TULP2: variants seen among roughly 807,000 people sequenced by gnomAD.
The protein encoded by TULP2 is TUB like protein 2.
Under a neutral mutation model 60.3 loss-of-function variants are expected in TULP2, and 64 were observed. The observed-to-expected ratio is 1.06, with a 90% CI of 0.87 to 1.31. The LOEUF (loss-of-function observed/expected upper bound fraction) is 1.31, where lower values mean the gene tolerates loss of function less well. Ranked by LOEUF, TULP2 falls within the 50% of genes most tolerant of loss-of-function variation. The probability of loss-of-function intolerance (pLI) is 0.00; values close to 1 mark genes in which losing one functional copy is unlikely to be tolerated. For missense variants in TULP2, 652 were observed against 667.0 expected (o/e 0.98, Z 0.25); for synonymous variants, 267 against 265.4 (o/e 1.01, Z -0.06).
chr19:48,893,622 C>G (rs920579470), intron 6 of TULP2, among the ~76,000 whole-genome samples: 1 of 152,034 alleles, frequency 6.6e-6, no homozygotes, highest in Non-Finnish European at 1.5e-5. Context: ...AGCCTGATCT[C>G]AGTTTACTGC....
At chr19:48,896,638 C>CG (rs1400338477) in intron 3 of TULP2, 82 bp from the exon 4 acceptor site, 2 of 1,455,022 alleles carry the variant, frequency 1.4e-6, no homozygotes, top group Non-Finnish European at 1.8e-6. Flanking sequence ...GGCAAGGGCT[C>CG]GCATCGGCGC....
intron 11 of TULP2, among the ~76,000 whole-genome samples, chr19:48,883,369 T>C (rs1450140427): frequency 6.6e-6 from 1 of 152,142 alleles, no homozygotes; most frequent in East Asian, 1.9e-4. Context: ...GCCAACCAGC[T>C]GGCCTCAAGG....
intron 4 of TULP2, 132 bp downstream of exon 4, chr19:48,896,298 G>T: frequency 7.6e-7 from 1 of 1,318,008 alleles, no homozygotes; most frequent in Non-Finnish European, 1.0e-6. Flanking sequence ...AAGCTCTCCT[G>T]GGCCAAGGCC....
chr19:48,895,088 C>T lies in TULP2; in HGVS notation c.424G>A (p.Val142Ile), dbSNP rs1309198073. The T allele has an allele frequency of 6.2e-7, 1 of 1,614,148 alleles. No individual in the cohort carries two copies. The highest frequency in any genetic ancestry group is 8.5e-7 in the Non-Finnish European group (1 of 1,180,024). ...PDNSDAELEE[V>I]SVENGSVSPP... ...GAGACGGAACCATTCTCCACGGAGA[C>T]TTCCTCCAATTCTGCATCGGAATTG... is the stretch of plus-strand genomic sequence containing the variant. The change falls in exon 6 of 13, where the codon GTC (valine) becomes ATC (isoleucine). Residue 142 changes from valine to isoleucine, a missense_variant. Coordinates refer to ENST00000221399, the MANE Select transcript of TULP2 (RefSeq NM_003323.3).
At chr19:48,886,513 A>G (rs1395954370) in intron 8 of TULP2, among the ~76,000 whole-genome samples, 1 of 152,048 alleles carries the variant, frequency 6.6e-6, no homozygotes, top group African/African-American at 2.4e-5. Context: ...TAGGCGTTTC[A>G]CCAAGAAAAA....
At chr19:48,888,415 C>T (rs1193174837) in intron 7 of TULP2, among the ~76,000 whole-genome samples, 154 bp from the exon 8 acceptor site, 1 of 152,198 alleles carries the variant, frequency 6.6e-6, no homozygotes, top group Non-Finnish European at 1.5e-5. Flanking sequence ...CAGTCACGCC[C>T]TCCTCTGTTG....
chr19:48,888,660 C>T (rs2037205405), intron 7 of TULP2, among the ~76,000 whole-genome samples: 1 of 152,170 alleles, frequency 6.6e-6, no homozygotes, highest in Non-Finnish European at 1.5e-5. Flanking sequence ...TTCGCTCTGT[C>T]GCCCAGGCTG....
chr19:48,896,132 A>G (rs1449507850), intron 4 of TULP2, among the ~76,000 whole-genome samples: 2 of 151,774 alleles, frequency 1.3e-5, no homozygotes, highest in African/African-American at 2.4e-5. Flanking sequence ...AGCTCTGCCA[A>G]GCCCAATCAT....
intron 8 of TULP2, 43 bp downstream of exon 8, chr19:48,887,907 G>C (rs548050840): frequency 2.5e-6 from 4 of 1,579,016 alleles, no homozygotes; most frequent in Non-Finnish European, 3.5e-6. Flanking sequence ...TTGCCTGGGA[G>C]GTGGGGGCTT....
intron 9 of TULP2, 48 bp from the exon 10 acceptor site, chr19:48,884,094 T>A: frequency 4.1e-6 from 6 of 1,459,104 alleles, no homozygotes; most frequent in Non-Finnish European, 3.8e-6. Flanking sequence ...AGTGTTACTC[T>A]TTGAGTAAGT....
chr19:48,889,622 G>A lies in TULP2; in HGVS notation c.524C>T (p.Ala175Val). Residue 175 changes from alanine to valine, a missense_variant, in exon 7 of 13, where the codon GCA (alanine) becomes GTA (valine). Physicochemically the swap from Ala to Val is moderately conservative, Grantham distance 64. Coordinates refer to ENST00000221399, the MANE Select transcript of TULP2 (RefSeq NM_003323.3). Reference protein sequence around the residue: ...WQAHQRPGTRAEGESDSQDMG... With the variant: ...WQAHQRPGTRVEGESDSQDMG... ...ATCCTGGGAGTCACTCTCACCCTCT[G>A]CACGGGTCCCTAATGTGGGGAAAAG... The A allele has an allele frequency of 6.3e-7, 1 of 1,579,246 alleles. No homozygotes were observed. The highest frequency in any genetic ancestry group is 8.7e-7 in the Non-Finnish European group (1 of 1,153,580).
Position 48,897,439 on chromosome 19 carries a change from T to G in TULP2, c.33-43A>C. 6.2e-7 allele frequency: 1 copy of G among 1,606,082 alleles called. No homozygotes were observed. The highest frequency in any genetic ancestry group is 8.5e-7 in the Non-Finnish European group (1 of 1,175,070). ...CCATGGTGACAGTGCACAGGGAACC[T>G]CGGTTGCCCAAGAGAGTCCCTCCTT... On this transcript the variant is annotated intron_variant, in intron 2 of 12. Transcript: ENST00000221399. This position sits in a 1 kb window ranked among gnomAD's most constrained non-coding sequence, Gnocchi z 4.0.
chr19:48,888,823 A>G (rs1267566970), intron 7 of TULP2, among the ~76,000 whole-genome samples: 1 of 151,642 alleles, frequency 6.6e-6, no homozygotes, highest in Non-Finnish European at 1.5e-5. Context: ...GGCTTCACCA[A>G]GTTGGCCAAG....
chr19:48,885,315 G>A lies in TULP2; in HGVS notation c.1061+133C>T, dbSNP rs77692325. ...TCAAATGCCTTAAATGCCAGCCTAC[G>A]TTCCAAACCCTTCAGTTCTTCTGGT... On this transcript the variant is annotated intron_variant, in intron 9 of 12. Coordinates refer to ENST00000221399, the MANE Select transcript of TULP2 (RefSeq NM_003323.3). The A allele has an allele frequency of 3.5e-4, 241 of 688,178 alleles. No individual in the cohort carries two copies. In the East Asian group the frequency reaches 5.2e-3, roughly 15 times the overall value. 42.6% of individuals were successfully genotyped at this position (688,178 alleles called of 1,614,324 possible).
Position 48,897,196 on chromosome 19 carries a change from T to G in TULP2, c.84+149A>C, listed in dbSNP as rs2037290630. On this transcript the variant is annotated intron_variant, in intron 3 of 12. Coordinates refer to ENST00000221399, the MANE Select transcript of TULP2 (RefSeq NM_003323.3). This position sits in a 1 kb window ranked among gnomAD's most constrained non-coding sequence, Gnocchi z 4.0. ...TGAGCTGCCCTGCCCGGCCCCAAAT[T>G]CCTATTTTCTCATTTCTCAGTGGGA... is the stretch of plus-strand genomic sequence containing the variant. The G allele has an allele frequency of 2.2e-6, 2 of 889,028 alleles. No homozygotes were observed. Among genetic ancestry groups the G allele is most frequent in the Non-Finnish European group, 3.6e-6 (2 of 560,516 alleles). 55.1% of individuals were successfully genotyped at this position (889,028 alleles called of 1,614,324 possible). A position where few individuals can be genotyped will look rare whatever the true frequency, so the allele number is the denominator to read the frequency against.
intron 11 of TULP2, among the ~76,000 whole-genome samples, chr19:48,883,232 A>G (rs866860821): frequency 1.1e-4 from 16 of 151,770 alleles, no homozygotes; most frequent in Middle Eastern, 3.4e-3. Flanking sequence ...AAAAAAAAAA[A>G]AGAAAGAAAG....
At chr19:48,894,359 C>T (rs190019301) in intron 6 of TULP2, among the ~76,000 whole-genome samples, 121 of 151,800 alleles carry the variant, frequency 8.0e-4, no homozygotes, top group African/African-American at 2.8e-3. Flanking sequence ...CAGCTATTTA[C>T]GGGCCAGGCA....
chr19:48,896,578 G>C (rs1399489456), intron 3 of TULP2, 22 bp from the exon 4 acceptor site: 1 of 1,578,678 alleles, frequency 6.3e-7, no homozygotes, highest in African/African-American at 1.4e-5. Context: ...GGAGAGGTGG[G>C]TGTCCGGGAC....
intron 7 of TULP2, among the ~76,000 whole-genome samples, chr19:48,889,278 G>A (rs1344975138): frequency 9.9e-5 from 15 of 152,102 alleles, no homozygotes; most frequent in Admixed American, 9.8e-4. Flanking sequence ...ACCATAAGCT[G>A]TATTTTAATG....
Sources: allele counts gnomAD v4.1 joint callset (sites outside exome capture counted in the v4.1 genomes callset), GRCh38; gene constraint gnomAD v4.1.1; non-coding constraint Gnocchi (gnomAD v3.1); transcripts MANE v1.5; gene names NCBI Gene and HGNC (gene_info 2026-07-23, HGNC 2026-07-21).